ZNF367: variants seen among roughly 807,000 people sequenced by gnomAD.
ZNF367 encodes the protein C2H2 zinc finger protein ZFF29.
In ZNF367, 11 loss-of-function variants were observed where a neutral mutation model predicts 31.8. The ratio of observed to expected loss-of-function variants is 0.35; its 90% CI spans 0.22 to 0.57. The LOEUF (loss-of-function observed/expected upper bound fraction) is 0.57. ZNF367 is among the 20% of genes least tolerant of loss of function. ZNF367 has a pLI of 0.85. For synonymous variants in ZNF367, 199 were observed against 202.4 expected, an observed-to-expected ratio of 0.98 and a Z score of 0.14; for missense variants, 353 against 484.1, an observed-to-expected ratio of 0.73 and a Z score of 2.54.
chr9:96,393,827 G>A (rs1304987399), intron 3 of ZNF367, among the ~76,000 whole-genome samples: 6 of 152,144 alleles, frequency 3.9e-5, no homozygotes, highest in African/African-American at 7.2e-5. Context: ...GCAAAACTCC[G>A]TCTCAAAAAA....
intron 1 of ZNF367, among the ~76,000 whole-genome samples, chr9:96,400,480 CAA>C (rs1410134899): frequency 1.4e-5 from 2 of 144,510 alleles, no homozygotes; most frequent in East Asian, 2.1e-4. Flanking sequence ...AGAAAACCAA[CAA>C]AGAGACAGAA....
At chr9:96,392,667 G>T (rs1831485847) in intron 3 of ZNF367, 131 bp from the exon 4 acceptor site, 1 of 1,349,820 alleles carries the variant, frequency 7.4e-7, no homozygotes, top group African/African-American at 1.5e-5. Flanking sequence ...TAATTTGGAG[G>T]AGAAAACAAT....
At chr9:96,403,617 A>G (rs1480122122) in intron 1 of ZNF367, among the ~76,000 whole-genome samples, 1 of 152,212 alleles carries the variant, frequency 6.6e-6, no homozygotes, top group Admixed American at 6.5e-5. Context: ...AAAACTTACT[A>G]CTAAGCACTG....
At chr9:96,391,632 G>A (rs1286094698) in intron 4 of ZNF367, among the ~76,000 whole-genome samples, 1 of 152,216 alleles carries the variant, frequency 6.6e-6, no homozygotes, top group East Asian at 1.9e-4. Context: ...GTGTACAGCA[G>A]ACAGGCCCTT....
At chr9:96,401,362 C>T (rs1831601475) in intron 1 of ZNF367, among the ~76,000 whole-genome samples, 1 of 152,072 alleles carries the variant, frequency 6.6e-6, no homozygotes, top group Admixed American at 6.6e-5. Flanking sequence ...CCTGCCTCTA[C>T]TAAAACTACA....
chr9:96,407,083 T>A (rs528992455), intron 1 of ZNF367, among the ~76,000 whole-genome samples: 21 of 143,534 alleles, frequency 1.5e-4, no homozygotes, highest in African/African-American at 5.5e-4. Context: ...ACTTTGGGAG[T>A]CTGAGGTGAT....
intron 1 of ZNF367, among the ~76,000 whole-genome samples, chr9:96,414,821 T>C (rs772538696): frequency 2.2e-4 from 33 of 152,168 alleles, no homozygotes; most frequent in Middle Eastern, 6.8e-3. Flanking sequence ...ACAAGTCTGT[T>C]TTAGGCCAAA....
At chr9:96,401,484 C>A (rs1831603116) in intron 1 of ZNF367, among the ~76,000 whole-genome samples, 2 of 151,926 alleles carry the variant, frequency 1.3e-5, no homozygotes, top group South Asian at 4.1e-4. Context: ...ATGGAGAAAC[C>A]CTGTCTCTAC....
At chr9:96,390,544 T>C (rs1240965150) in intron 4 of ZNF367, among the ~76,000 whole-genome samples, 17 of 151,806 alleles carry the variant, frequency 1.1e-4, no homozygotes, top group Non-Finnish European at 2.5e-4. Flanking sequence ...TGAATTTGAG[T>C]TAGTAAGGAG....
intron 2 of ZNF367, among the ~76,000 whole-genome samples, chr9:96,396,650 A>C (rs989867374): frequency 6.6e-6 from 1 of 152,062 alleles, no homozygotes; most frequent in Non-Finnish European, 1.5e-5. Flanking sequence ...AGAAAAAGTA[A>C]AGAGAAAGAG....
intron 1 of ZNF367, among the ~76,000 whole-genome samples, chr9:96,404,242 C>T (rs1479177028): frequency 1.3e-5 from 2 of 151,956 alleles, no homozygotes; most frequent in East Asian, 1.9e-4. Context: ...GGGCGGATCA[C>T]GAGGTCAGGA....
chr9:96,410,054 T>C (rs13302443), intron 1 of ZNF367, among the ~76,000 whole-genome samples: 1 of 151,450 alleles, frequency 6.6e-6, no homozygotes, highest in Non-Finnish European at 1.5e-5. Context: ...GGTGGGTGGA[T>C]CACGAGGTCA....
chr9:96,396,670 A>T (rs894515009), intron 2 of ZNF367, among the ~76,000 whole-genome samples: 4 of 144,750 alleles, frequency 2.8e-5, no homozygotes, highest in East Asian at 2.0e-4. Flanking sequence ...GGTGAAATAA[A>T]TTTTTTTTTT....
chr9:96,393,700 G>A (rs1429680226), intron 3 of ZNF367, among the ~76,000 whole-genome samples: 3 of 149,926 alleles, frequency 2.0e-5, no homozygotes, highest in Non-Finnish European at 4.4e-5. Flanking sequence ...GTATGGTCGC[G>A]TATGCCTGTA....
chr9:96,402,215 C>G (rs1831612659), intron 1 of ZNF367, among the ~76,000 whole-genome samples: 2 of 151,960 alleles, frequency 1.3e-5, no homozygotes, highest in African/African-American at 4.8e-5. Context: ...GAGTTCGCAC[C>G]ACTGCACTCC....
chr9:96,396,457 A>C (rs2059804465), intron 2 of ZNF367, among the ~76,000 whole-genome samples: 1 of 152,006 alleles, frequency 6.6e-6, no homozygotes, highest in South Asian at 2.1e-4. Context: ...CTTAAAAAAA[A>C]CCTCTATTCT....
At chr9:96,399,947 C>G (rs1198607912) in intron 1 of ZNF367, among the ~76,000 whole-genome samples, 1 of 152,156 alleles carries the variant, frequency 6.6e-6, no homozygotes, top group Non-Finnish European at 1.5e-5. Flanking sequence ...AACTACAACT[C>G]ATAGCAAACA....
chr9:96,389,518 G>C (rs1587740694), intron 4 of ZNF367, among the ~76,000 whole-genome samples: 1 of 151,868 alleles, frequency 6.6e-6, no homozygotes, highest in Non-Finnish European at 1.5e-5. Flanking sequence ...AAGGGGGACA[G>C]GGAGGAATGT....
intron 1 of ZNF367, among the ~76,000 whole-genome samples, chr9:96,405,910 A>T (rs1831666345): frequency 6.6e-6 from 1 of 152,204 alleles, no homozygotes; most frequent in South Asian, 2.1e-4. Flanking sequence ...TACACTTTAA[A>T]ATGACTAATT....
Sources: allele counts gnomAD v4.1 joint callset (sites outside exome capture counted in the v4.1 genomes callset), GRCh38; gene constraint gnomAD v4.1.1; transcripts MANE v1.5; gene names NCBI Gene and HGNC (gene_info 2026-07-23, HGNC 2026-07-21).